Variants in SLC45A3 observed in about 807,000 individuals in gnomAD.
SLC45A3 encodes the protein solute carrier family 45 member 3, also known as prostate cancer associated protein 2.
Under a neutral mutation model 35.3 loss-of-function variants are expected in SLC45A3, and 17 were observed. The ratio of observed to expected loss-of-function variants is 0.48; its 90% CI spans 0.33 to 0.72. The LOEUF (loss-of-function observed/expected upper bound fraction) is 0.72. SLC45A3 is among the 30% of genes least tolerant of loss of function. SLC45A3 has a pLI of 0.02. For synonymous variants in SLC45A3, 288 were observed against 334.3 expected (o/e 0.86, Z 1.51); for missense variants, 597 against 731.7 (o/e 0.82, Z 2.12).
In SLC45A3 at chr1:205,673,240, C is replaced by A. The variant is rs141740125; in HGVS notation, c.-231+7154G>T. On this transcript the variant is annotated intron_variant, in intron 1 of 4. Transcript: ENST00000367145. ...GTAACTGAATTCTCTTCTTGGGCCA[C>A]AATAAATGCTTCCCTACAAGGTGGG... is the stretch of plus-strand genomic sequence containing the variant. Among the ~76,000 whole-genome samples the A allele has an allele frequency of 7.8e-4, 119 of 152,232 alleles. 1 individual carries two copies. The highest frequency in any genetic ancestry group is 2.8e-3 in the African/African-American group (115 of 41,538).
intron 1 of SLC45A3, among the ~76,000 whole-genome samples, chr1:205,665,613 C>T (rs1426083932): frequency 6.6e-6 from 1 of 152,168 alleles, no homozygotes; most frequent in Non-Finnish European, 1.5e-5. Flanking sequence ...TGAAACCACA[C>T]CACCTGGCAA....
rs564000804 is a variant in SLC45A3 at position 205,666,629 on chromosome 1, C to A, written c.-230-1743G>T. Among the ~76,000 whole-genome samples the A allele has an allele frequency of 2.2e-4, 34 of 152,336 alleles. No homozygotes were observed. Among genetic ancestry groups the A allele is most frequent in the African/African-American group, 8.2e-4 (34 of 41,584 alleles). ...TGAGATAAGGCTGGGCAACCAGCAG[C>A]CTCCTCCCCTAAATCCTGCTCAGAC... On this transcript the variant is annotated intron_variant, in intron 1 of 4. Transcript: ENST00000367145. This position sits in a 1 kb window ranked among gnomAD's most constrained non-coding sequence, Gnocchi z 4.1.
At chr1:205,671,130 C>T (rs1394490211) in intron 1 of SLC45A3, among the ~76,000 whole-genome samples, 1 of 152,356 alleles carries the variant, frequency 6.6e-6, no homozygotes, top group East Asian at 1.9e-4. Context: ...TACCCAGTGA[C>T]AGGGATTCTG....
intron 1 of SLC45A3, among the ~76,000 whole-genome samples, chr1:205,674,243 C>A (rs756600205): frequency 1.1e-4 from 17 of 148,580 alleles, no homozygotes; most frequent in Non-Finnish European, 2.4e-4. Context: ...TCCTCCCTAT[C>A]ATAAAGGTCA....
chr1:205,660,883 T>C (rs1363803732), intron 4 of SLC45A3, among the ~76,000 whole-genome samples: 4 of 152,262 alleles, frequency 2.6e-5, no homozygotes, highest in East Asian at 3.9e-4. Context: ...ACCAAAACCT[T>C]AGCCCCTCCC....
chr1:205,675,818 CT>C (rs1183353830), intron 1 of SLC45A3, among the ~76,000 whole-genome samples: 1 of 152,180 alleles, frequency 6.6e-6, no homozygotes, highest in Non-Finnish European at 1.5e-5. Context: ...CCACAGCCCC[CT>C]GGAAACCAAG....
In SLC45A3 at chr1:205,663,351, A is replaced by G; in HGVS notation, c.440T>C (p.Leu147Pro). 6.2e-7 allele frequency: 1 copy of G among 1,613,376 alleles called. No individual in the cohort carries two copies. Among genetic ancestry groups the G allele is most frequent in the Non-Finnish European group, 8.5e-7 (1 of 1,180,022 alleles). The change falls in exon 3 of 5, where the codon CTC becomes CCC. Residue 147 changes from leucine to proline, a missense_variant. This residue lies in a region of SLC45A3 where 555 missense variants were observed against 664.9 expected (regional missense o/e 0.83). Coordinates refer to ENST00000367145, the MANE Select transcript of SLC45A3 (RefSeq NM_033102.3). ...GTCCGGGTCCCGGAAGAGGTCAGAG[A>G]GCAGGGCCTCCAGTGGAGTGAAGCA... ...QVCFTPLEAL[L>P]SDLFRDPDHC...
intron 1 of SLC45A3, among the ~76,000 whole-genome samples, chr1:205,679,623 A>G (rs1671367987): frequency 6.6e-6 from 1 of 151,718 alleles, no homozygotes; most frequent in Non-Finnish European, 1.5e-5. Flanking sequence ...GGAGGCGAGG[A>G]GAAAACAGCG....
At chr1:205,665,450 C>G (rs1029078959) in intron 1 of SLC45A3, among the ~76,000 whole-genome samples, 1 of 152,280 alleles carries the variant, frequency 6.6e-6, no homozygotes, top group South Asian at 2.1e-4. Flanking sequence ...TTTTAACTTA[C>G]AGAAGGCTCC....
Position 205,663,387 on chromosome 1 carries a change from CAG to C in SLC45A3, c.402_403del (p.Phe134LeufsTer15). ...CAGTGGAGTGAAGCACACCTGGCCA[CAG>C]AAGTCCAGCAGCCCCACGCCCAGGA... is the stretch of plus-strand genomic sequence containing the variant. On this transcript the variant is annotated frameshift_variant, in exon 3 of 5. Transcript: ENST00000367145. LOFTEE classifies it high-confidence loss of function. 8 of 1,613,378 alleles carry C rather than the reference CAG, an allele frequency of 5.0e-6. No individual in the cohort carries two copies. The highest frequency in any genetic ancestry group is 6.8e-6 in the Non-Finnish European group (8 of 1,179,994).
At chr1:205,676,153 A>G (rs1671310782) in intron 1 of SLC45A3, among the ~76,000 whole-genome samples, 1 of 152,168 alleles carries the variant, frequency 6.6e-6, no homozygotes, top group Non-Finnish European at 1.5e-5. Context: ...GTGGGAATCT[A>G]AATTGCCACA....
rs960852098 is a variant in SLC45A3, at chr1:205,666,134, ATCTTT to A, written c.-230-1253_-230-1249del. ...TATAAAAGGCATTTCAACTTATCTTATCTTTTCACACAATACTAAACCCCATGGGG... is the reference window on the plus strand; with the variant it reads ...TATAAAAGGCATTTCAACTTATCTTATCACACAATACTAAACCCCATGGGG... On this transcript the variant is annotated intron_variant, in intron 1 of 4. Coordinates refer to ENST00000367145, the MANE Select transcript of SLC45A3 (RefSeq NM_033102.3). This position sits in a 1 kb window ranked among gnomAD's most constrained non-coding sequence, Gnocchi z 4.1. 7.9e-5 allele frequency among the ~76,000 whole-genome samples: 12 copies of A among 152,112 alleles called. No individual in the cohort carries two copies. The highest frequency in any genetic ancestry group is 2.7e-4 in the African/African-American group (11 of 41,412).
chr1:205,671,759 G>A (rs762851313), intron 1 of SLC45A3, among the ~76,000 whole-genome samples: 13 of 152,182 alleles, frequency 8.5e-5, no homozygotes, highest in Admixed American at 5.9e-4. Context: ...CCAGCTACTC[G>A]GGAGGCTGAG....
intron 1 of SLC45A3, among the ~76,000 whole-genome samples, chr1:205,677,374 C>G (rs1571545529): frequency 6.6e-6 from 1 of 152,302 alleles, no homozygotes; most frequent in African/African-American, 2.4e-5. Context: ...TAAGTGTAAA[C>G]CACAATGATT....
intron 1 of SLC45A3, among the ~76,000 whole-genome samples, chr1:205,673,202 C>T (rs1671246977): frequency 6.6e-6 from 1 of 152,148 alleles, no homozygotes; most frequent in Non-Finnish European, 1.5e-5. Flanking sequence ...GACTCTGTTC[C>T]TGGCAGAAAT....
intron 1 of SLC45A3, among the ~76,000 whole-genome samples, chr1:205,676,705 A>G (rs1481171073): frequency 1.3e-5 from 2 of 152,210 alleles, no homozygotes; most frequent in African/African-American, 4.8e-5. Flanking sequence ...CAGACCATGT[A>G]GTAGAAAACA....
intron 1 of SLC45A3, among the ~76,000 whole-genome samples, chr1:205,679,593 C>T (rs1053158219): frequency 6.6e-6 from 1 of 152,078 alleles, no homozygotes; most frequent in African/African-American, 2.4e-5. Flanking sequence ...AGAACTCTGT[C>T]CTTCCCCACC....
At chr1:205,675,472 A>G (rs967074511) in intron 1 of SLC45A3, among the ~76,000 whole-genome samples, 3 of 152,140 alleles carry the variant, frequency 2.0e-5, no homozygotes, top group Admixed American at 6.6e-5. Context: ...CTGAGCCCCA[A>G]CAGCAGAAAA....
At chr1:205,674,559 C>T (rs949159836) in intron 1 of SLC45A3, among the ~76,000 whole-genome samples, 2 of 141,934 alleles carry the variant, frequency 1.4e-5, no homozygotes, top group Non-Finnish European at 3.0e-5. Flanking sequence ...TGCACTCCAG[C>T]CTGGGCAACA....
Sources: gnomAD v4.1 joint callset for allele counts (sites outside exome capture counted in the v4.1 genomes callset) on GRCh38, gnomAD v4.1.1 for gene constraint, gnomAD v4.1.1 regional missense constraint, Gnocchi (gnomAD v3.1) non-coding constraint, MANE v1.5 for transcripts, NCBI Gene and HGNC (gene_info 2026-07-23, HGNC 2026-07-21) for gene names.